The following PDIA4 variants were observed in gnomAD, a reference collection of about 807,000 sequenced individuals.
PDIA4 encodes protein disulfide isomerase family A member 4.
Under a neutral mutation model 62.1 loss-of-function variants are expected in PDIA4, and 33 were observed. That is an observed-to-expected ratio of 0.53 (90% CI 0.40 to 0.71). The LOEUF is 0.71. Among genes scored for constraint, PDIA4 ranks in the 30% least tolerant of loss-of-function variants. The pLI, the probability that PDIA4 is intolerant of heterozygous loss-of-function variation, is 0.00. For synonymous variants in PDIA4, 341 were observed against 324.1 expected, an observed-to-expected ratio of 1.05 and a Z score of -0.56; for missense variants, 804 against 813.6, an observed-to-expected ratio of 0.99 and a Z score of 0.14.
rs781646528 is a variant in PDIA4, at chr7:149,012,238, C to G, written c.737G>C (p.Arg246Thr). The G allele has an allele frequency of 6.2e-7, 1 of 1,614,166 alleles. No homozygotes were observed. Among genetic ancestry groups the G allele is most frequent in the South Asian group, 1.1e-5 (1 of 91,084 alleles). ...DATAETDLAK[R>T]FDVSGYPTLK... The stretch of plus-strand genomic sequence containing the variant: ...GGTGGGATAGCCAGAGACATCAAAC[C>G]TCTTGGCCAGGTCTGTTTCTGCGGT... Residue 246 changes from arginine to threonine, a missense_variant, in exon 5 of 10, where the codon AGG becomes ACG. Transcript: ENST00000652332.
intron 7 of PDIA4, among the ~76,000 whole-genome samples, chr7:149,007,000 C>T (rs556870019): frequency 1.2e-4 from 18 of 152,158 alleles, no homozygotes; most frequent in African/African-American, 3.6e-4. Context: ...GTCCGATTCT[C>T]GGGATCAATG....
chr7:149,008,465 A>G (rs113298981), intron 6 of PDIA4, among the ~76,000 whole-genome samples, 155 bp from the exon 7 acceptor site: 1,879 of 151,756 alleles, frequency 0.012, 31 homozygotes, highest in African/African-American at 0.041. Flanking sequence ...CACTTTGGGA[A>G]GCCCAGGCAG....
chr7:149,003,757 C>CCA lies in PDIA4; in HGVS notation c.*36_*37insTG. On this transcript the variant is annotated 3_prime_UTR_variant, in exon 10 of 10. Transcript: ENST00000652332. ...CGCCCCGACCATGGGCCACGCAGGGCGTCTGCCTCCTCCCACCTTCCGCAG... is the reference window on the plus strand; with the variant it reads ...CGCCCCGACCATGGGCCACGCAGGGCCAGTCTGCCTCCTCCCACCTTCCGCAG... The CCA allele has an allele frequency of 6.8e-7, 1 of 1,470,952 alleles. No individual in the cohort carries two copies. The highest frequency in any genetic ancestry group is 9.0e-7 in the Non-Finnish European group (1 of 1,107,858). 91.1% of individuals were successfully genotyped at this position (1,470,952 alleles called of 1,614,324 possible). A position where few individuals can be genotyped will look rare whatever the true frequency, so the allele number is the denominator to read the frequency against.
At chr7:149,015,368 A>G (rs545306625) in intron 3 of PDIA4, among the ~76,000 whole-genome samples, 3 of 151,974 alleles carry the variant, frequency 2.0e-5, no homozygotes, top group South Asian at 2.1e-4. Flanking sequence ...CCAACTCCCA[A>G]TGGTTTTGAT....
Position 149,003,635 on chromosome 7 carries a change from T to A in PDIA4, c.*159A>T, listed in dbSNP as rs1823620869. ...TATTCAGTCATTCATGGTTATTCAG[T>A]ATTCAGAGCATGAAGTGAAACACCA... On this transcript the variant is annotated 3_prime_UTR_variant, in exon 10 of 10. Transcript: ENST00000652332. The A allele has an allele frequency of 2.1e-6, 1 of 486,408 alleles. No individual in the cohort carries two copies. Among genetic ancestry groups the A allele is most frequent in the African/African-American group, 2.0e-5 (1 of 50,312 alleles). The allele number at this position is 486,408 out of a possible 1,614,324, so 30.1% of individuals were successfully genotyped here.
chr7:149,007,754 G>A (rs1351133850), intron 7 of PDIA4, among the ~76,000 whole-genome samples: 2 of 152,248 alleles, frequency 1.3e-5, no homozygotes, highest in Non-Finnish European at 2.9e-5. Context: ...TCCCTCTGTA[G>A]CCCCCAGCTG....
At chr7:149,015,083 C>T in intron 3 of PDIA4, 41 bp from the exon 4 acceptor site, 1 of 1,608,392 alleles carries the variant, frequency 6.2e-7, no homozygotes, top group Non-Finnish European at 8.5e-7. Flanking sequence ...AAGGCCCAAA[C>T]TGGCAGGCAC....
intron 4 of PDIA4, among the ~76,000 whole-genome samples, chr7:149,013,204 C>T (rs1469283101): frequency 6.6e-6 from 1 of 152,094 alleles, no homozygotes; most frequent in African/African-American, 2.4e-5. Context: ...GCCAAGATCG[C>T]ACCACTGCAC....
At chr7:149,011,727 C>T in intron 6 of PDIA4, 119 bp downstream of exon 6, 2 of 773,450 alleles carry the variant, frequency 2.6e-6, no homozygotes, top group South Asian at 5.1e-5. Context: ...AGCTTATTCC[C>T]AGAGATGGCT....
chr7:149,005,254 C>T lies in PDIA4; in HGVS notation c.1409G>A (p.Ser470Asn), dbSNP rs1293436403. The part of the protein sequence containing the change: ...GEVKDLGLSE[S>N]GEDVNAAILD... ...GATGGCGGCATTGACATCCTCCCCA[C>T]TCTCGCTGAGCCCCAGGTCCTTCAC... is the stretch of plus-strand genomic sequence containing the variant. Residue 470 changes from serine to asparagine, a missense_variant, in exon 9 of 10, where the codon AGT (serine) becomes AAT (asparagine). Transcript: ENST00000652332. 1 of 1,614,206 alleles carries T rather than the reference C, an allele frequency of 6.2e-7. No individual in the cohort carries two copies. Among genetic ancestry groups the T allele is most frequent in the Admixed American group, 1.7e-5 (1 of 60,018 alleles).
intron 3 of PDIA4, among the ~76,000 whole-genome samples, chr7:149,017,952 G>A (rs1041800779): frequency 2.6e-5 from 4 of 152,260 alleles, no homozygotes; most frequent in Middle Eastern, 3.4e-3. Flanking sequence ...ATTATTGGGC[G>A]GGCGTGGTGG....
chr7:149,017,211 T>A (rs1485737135), intron 3 of PDIA4, among the ~76,000 whole-genome samples: 2 of 152,130 alleles, frequency 1.3e-5, no homozygotes, highest in East Asian at 3.8e-4. Flanking sequence ...GCATCTTTTT[T>A]TTTTTTTCTG....
intron 1 of PDIA4, among the ~76,000 whole-genome samples, chr7:149,022,871 C>G (rs574547088): frequency 1.3e-5 from 2 of 152,314 alleles, no homozygotes; most frequent in South Asian, 4.1e-4. Context: ...TACAAAAAAG[C>G]CAACAAGAAA....
At chr7:149,004,925 T>G (rs1823687832) in intron 9 of PDIA4, among the ~76,000 whole-genome samples, 1 of 152,216 alleles carries the variant, frequency 6.6e-6, no homozygotes, top group Admixed American at 6.5e-5. Flanking sequence ...TTGCAAATCC[T>G]TCTTCTAAGC....
chr7:149,027,259 T>C (rs1020980309), intron 1 of PDIA4, among the ~76,000 whole-genome samples: 10 of 152,200 alleles, frequency 6.6e-5, no homozygotes, highest in Admixed American at 1.3e-4. Flanking sequence ...CAAGACACAA[T>C]TTGTAAGCAG....
At chr7:149,009,953 G>A (rs1056460382) in intron 6 of PDIA4, among the ~76,000 whole-genome samples, 3 of 152,294 alleles carry the variant, frequency 2.0e-5, no homozygotes, top group Admixed American at 1.3e-4. Context: ...CCCTTGAAGG[G>A]CTCTTGGTCT....
At chr7:149,026,092 A>T (rs1036011024) in intron 1 of PDIA4, among the ~76,000 whole-genome samples, 1 of 92,540 alleles carries the variant, frequency 1.1e-5, no homozygotes, top group Non-Finnish European at 2.3e-5. Context: ...AAGCAAAAAG[A>T]AAAAAAAAAG....
At chr7:149,006,116 A>C in intron 7 of PDIA4, 63 bp from the exon 8 acceptor site, 3 of 1,503,066 alleles carry the variant, frequency 2.0e-6, no homozygotes, top group Non-Finnish European at 2.6e-6. Flanking sequence ...CTTGAGTACA[A>C]TGTTTGAGGG....
chr7:149,018,514 C>T (rs1178033428), intron 3 of PDIA4, among the ~76,000 whole-genome samples: 1 of 152,090 alleles, frequency 6.6e-6, no homozygotes, highest in Non-Finnish European at 1.5e-5. Context: ...TCACCGCAAC[C>T]TCCGCTTCGT....
Sources: gnomAD v4.1 joint callset for allele counts (sites outside exome capture counted in the v4.1 genomes callset) on GRCh38, gnomAD v4.1.1 for gene constraint, MANE v1.5 for transcripts, NCBI Gene and HGNC (gene_info 2026-07-23, HGNC 2026-07-21) for gene names.